Variants in CHRNG observed in about 807,000 individuals in gnomAD.
CHRNG encodes acetylcholine receptor subunit gamma.
A neutral mutation model predicts 65.2 loss-of-function variants in CHRNG; 72 were observed. That is an observed-to-expected ratio of 1.10 (90% confidence interval 0.91 to 1.34). The LOEUF (loss-of-function observed/expected upper bound fraction) is 1.34. Among genes scored for constraint, CHRNG ranks in the 40% most tolerant of loss-of-function variants. The pLI is 0.00. For missense variants in CHRNG, 637 were observed against 680.1 expected (o/e 0.94, Z 0.70); for synonymous variants, 284 against 290.2 (o/e 0.98, Z 0.22).
chr2:232,541,805 G>C lies in CHRNG; in HGVS notation c.506+276G>C. 1.8e-6 allele frequency: 1 copy of C among 547,060 alleles called. No homozygotes were observed. The highest frequency in any genetic ancestry group is 2.0e-5 in the South Asian group (1 of 49,262). The allele number at this position is 547,060 out of a possible 1,614,324, so 33.9% of individuals were successfully genotyped here. A position where few individuals can be genotyped will look rare whatever the true frequency, so the allele number is the denominator to read the frequency against. ...ACATTCACGCCTGGGGTGCGTGGGT[G>C]AGAAGGCACACATGCACACAAGATG... On this transcript the variant is annotated intron_variant, in intron 5 of 11. Transcript: ENST00000651502. This position sits in a 1 kb window ranked among gnomAD's most constrained non-coding sequence, Gnocchi z 4.0.
chr2:232,545,797 G>T lies in CHRNG; in HGVS notation c.*81G>T. 1 of 1,482,016 alleles carries T rather than the reference G, an allele frequency of 6.7e-7. No homozygotes were observed. Among genetic ancestry groups the T allele is most frequent in the Non-Finnish European group, 9.4e-7 (1 of 1,064,738 alleles). 91.8% of individuals were successfully genotyped at this position (1,482,016 alleles called of 1,614,324 possible). A position where few individuals can be genotyped will look rare whatever the true frequency, so the allele number is the denominator to read the frequency against. On this transcript the variant is annotated 3_prime_UTR_variant, in exon 12 of 12. Coordinates refer to ENST00000651502, the MANE Select transcript of CHRNG (RefSeq NM_005199.5). ...TTATCAGCCACGTTCTCCTACTGAG[G>T]TCCTAAGTGTGCTCTTTGGGAAGTG...
chr2:232,541,619 T>G lies in CHRNG; in HGVS notation c.506+90T>G. 6.6e-7 allele frequency: 1 copy of G among 1,523,874 alleles called. No homozygotes were observed. 94.4% of individuals were successfully genotyped at this position (1,523,874 alleles called of 1,614,324 possible). On this transcript the variant is annotated intron_variant, in intron 5 of 11. Transcript: ENST00000651502. The surrounding 1 kb of genome is among the most constrained non-coding windows in gnomAD (Gnocchi z 4.0). ...TAAGGCCTGGGCAAGGCTTCTGGCC[T>G]TGGCTCTGGCAGCACCTAGAGGCCT...
At position 232,547,647 on chromosome 2, in the gene CHRNG, T is replaced by C. The variant is rs1692155871; in HGVS notation, c.*1931T>C. ...TGAAGCAAGAGCAGAGTCAGAGCTA[T>C]AGAGAACTAGAGGAGTTAGGGAGAG... On this transcript the variant is annotated 3_prime_UTR_variant, in exon 12 of 12. Coordinates refer to ENST00000651502, the MANE Select transcript of CHRNG (RefSeq NM_005199.5). Among the ~76,000 whole-genome samples the C allele has an allele frequency of 6.6e-6, 1 of 152,142 alleles. No homozygotes were observed. Among genetic ancestry groups the C allele is most frequent in the Admixed American group, 6.6e-5 (1 of 15,264 alleles).
rs1395116587 is a variant in CHRNG at position 232,543,019 on chromosome 2, A to G, written c.742A>G (p.Ile248Val). Residue 248 changes from isoleucine (I) to valine (V), a missense_variant, in exon 7 of 12, where the codon ATC (isoleucine) becomes GTC (valine). Physicochemically the swap from Ile to Val is conservative, Grantham distance 29 (BLOSUM62 3). Coordinates refer to ENST00000651502, the MANE Select transcript of CHRNG (RefSeq NM_005199.5). ...QRKPLFYVIN[I>V]IAPCVLISSV... The stretch of plus-strand genomic sequence containing the variant: ...CAAGCCCCTCTTCTACGTCATCAAC[A>G]TCATCGCCCCCTGTGTGCTCATCTC... 2 of 1,614,064 alleles carry G rather than the reference A, an allele frequency of 1.2e-6. No individual in the cohort carries two copies. The highest frequency in any genetic ancestry group is 1.3e-5 in the African/African-American group (1 of 74,914).
rs1201678197 is a variant in CHRNG at position 232,541,658 on chromosome 2, CT to C, written c.506+130del. 1.6e-4 allele frequency: 186 copies of C among 1,160,384 alleles called. No individual in the cohort carries two copies. The East Asian group carries it at 4.3e-3, about 27-fold the overall frequency. 71.9% of individuals were successfully genotyped at this position (1,160,384 alleles called of 1,614,324 possible). A position where few individuals can be genotyped will look rare whatever the true frequency, so the allele number is the denominator to read the frequency against. ...ACCTAGAGGCCTGGCTCCATCTCCC[CT>C]GGGCCTCTGTGCCCATCTCAGGCTA... On this transcript the variant is annotated intron_variant, in intron 5 of 11. Coordinates refer to ENST00000651502, the MANE Select transcript of CHRNG (RefSeq NM_005199.5). This position sits in a 1 kb window ranked among gnomAD's most constrained non-coding sequence, Gnocchi z 4.0.
chr2:232,544,271 C>A, intron 9 of CHRNG, 96 bp from the exon 10 acceptor site: 2 of 938,292 alleles, frequency 2.1e-6, no homozygotes, highest in Non-Finnish European at 3.5e-6. Context: ...GGTATGCTGC[C>A]TCCATGGTCC....
In CHRNG at chr2:232,540,264, G is replaced by A; in HGVS notation, c.196-117G>A. 6.3e-7 allele frequency: 1 copy of A among 1,588,126 alleles called. No individual in the cohort carries two copies. The highest frequency in any genetic ancestry group is 1.1e-5 in the South Asian group (1 of 90,470). ...AGGCTGGGGTCTGGAAAACCCCCAT[G>A]GTTGTGGGGGGAGTACTATCAAGAG... is the stretch of plus-strand genomic sequence containing the variant. On this transcript the variant is annotated intron_variant, in intron 2 of 11. Coordinates refer to ENST00000651502, the MANE Select transcript of CHRNG (RefSeq NM_005199.5). This position sits in a 1 kb window ranked among gnomAD's most constrained non-coding sequence, Gnocchi z 4.2.
intron 5 of CHRNG, 113 bp from the exon 6 acceptor site, chr2:232,542,310 G>C: frequency 1.4e-6 from 1 of 732,026 alleles, no homozygotes; most frequent in African/African-American, 1.7e-5. Context: ...AGAAGCGTGG[G>C]GCTGCATTTT....
At position 232,540,713 on chromosome 2, in the gene CHRNG, T is replaced by C. The variant is rs1455030282; in HGVS notation, c.350+2T>C. The C allele has an allele frequency of 1.2e-6, 2 of 1,608,678 alleles. No individual in the cohort carries two copies. Among genetic ancestry groups the C allele is most frequent in the Non-Finnish European group, 1.7e-6 (2 of 1,178,748 alleles). On this transcript the variant is annotated splice_donor_variant, in intron 4 of 11. Coordinates refer to ENST00000651502, the MANE Select transcript of CHRNG (RefSeq NM_005199.5). LOFTEE classifies it high-confidence loss of function. The surrounding 1 kb of genome is among the most constrained non-coding windows in gnomAD (Gnocchi z 4.2). ...GCCGGATATCGTGCTGGAGAACAAG[T>C]GAGGAGGGGGTGCAGGCAGGGGTGT...
In CHRNG at chr2:232,546,509, AG is replaced by A. The variant is rs1176487497; in HGVS notation, c.*794del. ...ACCACAGGCATGCACCACTACACCC[AG>A]CTACTTTTAAATTTTTAGTAGAGAT... is the stretch of plus-strand genomic sequence containing the variant. On this transcript the variant is annotated 3_prime_UTR_variant, in exon 12 of 12. Transcript: ENST00000651502. 2 of 152,078 alleles carry A rather than the reference AG, an allele frequency of 1.3e-5. No individual in the cohort carries two copies. The highest frequency in any genetic ancestry group is 4.8e-5 in the African/African-American group (2 of 41,288). The allele number at this position is 152,078 out of a possible 1,614,324, so 9.4% of individuals were successfully genotyped here.
intron 8 of CHRNG, 67 bp downstream of exon 8, chr2:232,543,456 G>A (rs1692058591): frequency 2.3e-6 from 3 of 1,316,080 alleles, no homozygotes; most frequent in East Asian, 4.7e-5. Flanking sequence ...ATGGCCTCCT[G>A]CATTGCCCTC....
Position 232,542,617 on chromosome 2 carries a change from G to T in CHRNG, c.604+97G>T. The T allele has an allele frequency of 1.3e-5, 11 of 850,420 alleles. 1 individual carries two copies. The South Asian group carries it at 1.5e-4, about 12-fold the overall frequency. The allele number at this position is 850,420 out of a possible 1,614,324, so 52.7% of individuals were successfully genotyped here. ...TGGACCAAGGTCAAATCCCTCCCATGTAACTCAAAATGAAAACTACAGCAA... is the reference window on the plus strand; with the variant it reads ...TGGACCAAGGTCAAATCCCTCCCATTTAACTCAAAATGAAAACTACAGCAA... On this transcript the variant is annotated intron_variant, in intron 6 of 11. Transcript: ENST00000651502.
rs540310491 is a variant in CHRNG at position 232,545,742 on chromosome 2, G to A, written c.*26G>A. The A allele has an allele frequency of 1.9e-6, 3 of 1,613,150 alleles. No individual in the cohort carries two copies. In the African/African-American group the frequency reaches 4.0e-5, roughly 21 times the overall value. The stretch of plus-strand genomic sequence containing the variant: ...GCCAACCAACCACTGTGGGGCATGT[G>A]GGAGTCACACACGTGGGTCACACTG... On this transcript the variant is annotated 3_prime_UTR_variant, in exon 12 of 12. Transcript: ENST00000651502.
chr2:232,543,685 C>T lies in CHRNG; in HGVS notation c.1021C>T (p.Arg341Ter), dbSNP rs752487562. The T allele has an allele frequency of 8.1e-6, 13 of 1,609,474 alleles. No individual in the cohort carries two copies. The East Asian group carries it at 1.1e-4, about 14-fold the overall frequency. ...GTCTCCACACACACACTCCATGGCC[C>T]GAGGGGTCCGCAAGGCAAGGACCCT... The part of the protein sequence containing the change: ...LRSPHTHSMA[R>*]GVRKVFLRLL... The change falls in exon 9 of 12, where the codon CGA becomes TGA. Residue 341 changes from arginine to a stop codon, truncating the protein, a stop_gained. Coordinates refer to ENST00000651502, the MANE Select transcript of CHRNG (RefSeq NM_005199.5). LOFTEE classifies it high-confidence loss of function.
intron 5 of CHRNG, 63 bp from the exon 6 acceptor site, chr2:232,542,360 T>C: frequency 9.3e-7 from 1 of 1,071,870 alleles, no homozygotes; most frequent in Non-Finnish European, 1.4e-6. Flanking sequence ...CAGAAGGTCA[T>C]CCCCATGCAG....
At chr2:232,544,969 G>T in intron 11 of CHRNG, 67 bp downstream of exon 11, 21 of 1,603,940 alleles carry the variant, frequency 1.3e-5, no homozygotes, top group Non-Finnish European at 1.8e-5. Context: ...ATAGAGACAG[G>T]ATGAGTGGGG....
Position 232,547,911 on chromosome 2 carries a change from T to C in CHRNG, c.*2195T>C, listed in dbSNP as rs1443905999. The C allele has an allele frequency of 4.7e-6, 2 of 426,308 alleles. No individual in the cohort carries two copies. Among genetic ancestry groups the C allele is most frequent in the Admixed American group, 8.6e-5 (2 of 23,208 alleles). The allele number at this position is 426,308 out of a possible 1,614,324, so 26.4% of individuals were successfully genotyped here. ...CAACCTAAGGAGGTAGGTCGAGGCATACCTCAAAGACATTGCAGGTTCAGT... is the reference window on the plus strand; with the variant it reads ...CAACCTAAGGAGGTAGGTCGAGGCACACCTCAAAGACATTGCAGGTTCAGT... On this transcript the variant is annotated 3_prime_UTR_variant, in exon 12 of 12. Transcript: ENST00000651502.
rs758411973 is a variant in CHRNG at position 232,544,573 on chromosome 2, G to A, written c.1242G>A (p.Glu414=). Residue 414 remains glutamate, a synonymous_variant, in exon 10 of 12, where the codon GAG becomes GAA. Transcript: ENST00000651502. ...AAGGGCTGGTGGCGGCAGCGCTGGA[G>A]AAGCTAGGTGAGACACACCAGGTGT... ...QRQGLVAAAL[E]KLEKGPELGL... is the part of the protein sequence containing the mutation. The A allele has an allele frequency of 6.2e-6, 10 of 1,612,588 alleles. No homozygotes were observed. The highest frequency in any genetic ancestry group is 1.3e-5 in the African/African-American group (1 of 74,910).
rs763797300 is a variant in CHRNG, at chr2:232,543,385, A to T, written c.916A>T (p.Ser306Cys). 1 of 1,610,710 alleles carries T rather than the reference A, an allele frequency of 6.2e-7. No homozygotes were observed. Among genetic ancestry groups the T allele is most frequent in the South Asian group, 1.1e-5 (1 of 91,016 alleles). The stretch of plus-strand genomic sequence containing the variant: ...AACCTCCCAGGCGGTGCCACTCATC[A>T]GCAAGTAAGGCTGGTCTTCATGTCC... ...PETSQAVPLI[S>C]KYLTFLLVVT... The change falls in exon 8 of 12, where the codon AGC (serine) becomes TGC (cysteine). Residue 306 changes from serine (S) to cysteine (C), a missense_variant. Coordinates refer to ENST00000651502, the MANE Select transcript of CHRNG (RefSeq NM_005199.5).
Sources: gnomAD v4.1 joint callset for allele counts (sites outside exome capture counted in the v4.1 genomes callset) on GRCh38, gnomAD v4.1.1 for gene constraint, Gnocchi (gnomAD v3.1) non-coding constraint, MANE v1.5 for transcripts, NCBI Gene and HGNC (gene_info 2026-07-23, HGNC 2026-07-21) for gene names.